The following ZMIZ1 variants were observed in gnomAD, a reference collection of about 807,000 sequenced individuals.
The protein encoded by ZMIZ1 is zinc finger MIZ-type containing 1, also known as zinc finger MIZ domain-containing protein 1.
Under a neutral mutation model 113.9 loss-of-function variants are expected in ZMIZ1, and 17 were observed. The ratio of observed to expected loss-of-function variants is 0.15; its 90% CI spans 0.10 to 0.22. ZMIZ1 has a LOEUF of 0.22. Among genes scored for constraint, ZMIZ1 ranks in the 10% least tolerant of loss-of-function variants. ZMIZ1 has a pLI of 1.00. For missense variants in ZMIZ1, 1,059 were observed against 1,477.8 expected (o/e 0.72, Z 4.65); for synonymous variants, 607 against 603.1 (o/e 1.01, Z -0.09).
At chr10:79,075,570 C>T (rs1842441517) in intron 1 of ZMIZ1, among the ~76,000 whole-genome samples, 1 of 150,176 alleles carries the variant, frequency 6.7e-6, no homozygotes, top group Non-Finnish European at 1.5e-5. Context: ...CACACACATG[C>T]ACACACATGC....
chr10:79,262,264 A>G (rs1221165108), intron 7 of ZMIZ1, among the ~76,000 whole-genome samples: 3 of 152,230 alleles, frequency 2.0e-5, no homozygotes, highest in Non-Finnish European at 4.4e-5. Context: ...CTGGCTAGAA[A>G]TGTATTCGTT....
At chr10:79,155,103 C>T (rs1393996462) in intron 3 of ZMIZ1, among the ~76,000 whole-genome samples, 1 of 152,204 alleles carries the variant, frequency 6.6e-6, no homozygotes, top group African/African-American at 2.4e-5. Context: ...GCTGAGGCCT[C>T]TCTGATGCAT....
intron 4 of ZMIZ1, among the ~76,000 whole-genome samples, chr10:79,179,785 A>G (rs1167281949): frequency 6.6e-6 from 1 of 152,262 alleles, no homozygotes; most frequent in Non-Finnish European, 1.5e-5. Context: ...CAGGGTTGCC[A>G]TGGCAACAGC....
intron 2 of ZMIZ1, among the ~76,000 whole-genome samples, chr10:79,135,849 C>T (rs540941528): frequency 1.3e-3 from 203 of 152,342 alleles, no homozygotes; most frequent in African/African-American, 4.8e-3. Context: ...AGACTCAGTA[C>T]AGCCGGCAGT....
Position 79,181,157 on chromosome 10 carries a change from G to A in ZMIZ1, c.-50+19024G>A, listed in dbSNP as rs147529562. Among the ~76,000 whole-genome samples, 46 of 152,292 alleles carry A rather than the reference G, an allele frequency of 3.0e-4. No individual in the cohort carries two copies. The South Asian group carries it at 8.5e-3, about 28-fold the overall frequency. ...GTCCTGAGTCTCCCTGCTAGAGCAG[G>A]CTTGGGCAGGAGCAGGGAGCACCCG... On this transcript the variant is annotated intron_variant, in intron 4 of 24. Coordinates refer to ENST00000334512, the MANE Select transcript of ZMIZ1 (RefSeq NM_020338.4).
chr10:79,203,727 C>T (rs145952560), intron 5 of ZMIZ1, among the ~76,000 whole-genome samples: 1,833 of 152,368 alleles, frequency 0.012, 29 homozygotes, highest in African/African-American at 0.042. Flanking sequence ...AAGCCCCTCA[C>T]AGCATGGCAC....
chr10:79,285,481 A>C (rs190928871), intron 8 of ZMIZ1: 1 of 456,054 alleles, frequency 2.2e-6, no homozygotes, highest in Middle Eastern at 3.3e-4. Flanking sequence ...ACAGAGAGTG[A>C]GCAGTGGTTT....
intron 1 of ZMIZ1, among the ~76,000 whole-genome samples, chr10:79,116,045 T>C (rs1006165470): frequency 3.3e-5 from 5 of 152,144 alleles, no homozygotes; most frequent in African/African-American, 1.2e-4. Flanking sequence ...GTGGTGCACA[T>C]TTACTGGGCA....
At chr10:79,107,605 C>T (rs930983017) in intron 1 of ZMIZ1, among the ~76,000 whole-genome samples, 13 of 152,150 alleles carry the variant, frequency 8.5e-5, no homozygotes, top group South Asian at 2.1e-4. Flanking sequence ...CACCACCGGG[C>T]GGTGGGAGGA....
chr10:79,145,136 T>C (rs1167005416), intron 3 of ZMIZ1, among the ~76,000 whole-genome samples: 1 of 152,008 alleles, frequency 6.6e-6, no homozygotes, highest in Non-Finnish European at 1.5e-5. Context: ...CTTCCTTCTC[T>C]GTATCTTCTT....
At chr10:79,126,517 C>T (rs1486024712) in intron 2 of ZMIZ1, among the ~76,000 whole-genome samples, 4 of 152,286 alleles carry the variant, frequency 2.6e-5, no homozygotes, top group African/African-American at 7.2e-5. Context: ...AAGCATTCCA[C>T]GCAAAGGGAA....
chr10:79,203,445 C>A lies in ZMIZ1; in HGVS notation c.60+1753C>A, dbSNP rs868030193. Among the ~76,000 whole-genome samples, 10 of 152,272 alleles carry A rather than the reference C, an allele frequency of 6.6e-5. 1 individual carries two copies. Among genetic ancestry groups the A allele is most frequent in the Middle Eastern group, 3.4e-3 (1 of 294 alleles). ...AAGACTCCCTCCTCCCCCACACTCC[C>A]TCCTCCCACTCAGGGTTCTGCAGGG... is the stretch of plus-strand genomic sequence containing the variant. On this transcript the variant is annotated intron_variant, in intron 5 of 24. Transcript: ENST00000334512.
rs372795085 is a variant in ZMIZ1, at chr10:79,272,593, G to A, written c.281-4588G>A. On this transcript the variant is annotated intron_variant, in intron 7 of 24. Coordinates refer to ENST00000334512, the MANE Select transcript of ZMIZ1 (RefSeq NM_020338.4). ...CGGTTTCAGCAGGAGTGCTAGCCTC[G>A]CCTGCTTCACCGCAGTACCTCCAGA... is the stretch of plus-strand genomic sequence containing the variant. 3.0e-4 allele frequency among the ~76,000 whole-genome samples: 45 copies of A among 152,314 alleles called. No individual in the cohort carries two copies. The South Asian group carries it at 8.7e-3, about 29-fold the overall frequency.
Position 79,313,940 on chromosome 10 carries a change from G to C in ZMIZ1, c.*1191G>C. ...GTCCAGCCCCTCCCTCTGTCCCTGT[G>C]CTCCAAGCTGCCCCCGGCTGCAGCC... On this transcript the variant is annotated 3_prime_UTR_variant, in exon 25 of 25. Coordinates refer to ENST00000334512, the MANE Select transcript of ZMIZ1 (RefSeq NM_020338.4). 1 of 419,490 alleles carries C rather than the reference G, an allele frequency of 2.4e-6. No individual in the cohort carries two copies. Among genetic ancestry groups the C allele is most frequent in the South Asian group, 1.8e-5 (1 of 56,972 alleles). 26.0% of individuals were successfully genotyped at this position (419,490 alleles called of 1,614,324 possible).
At chr10:79,208,162 G>A (rs942097600) in intron 5 of ZMIZ1, among the ~76,000 whole-genome samples, 174 bp from the exon 6 acceptor site, 3 of 149,286 alleles carry the variant, frequency 2.0e-5, no homozygotes, top group Non-Finnish European at 4.5e-5. Flanking sequence ...GGCATGCCGA[G>A]CACAGGGTGT....
At chr10:79,311,304 G>GGGGGGGGGGGGGGGGGGGC in intron 24 of ZMIZ1, 120 bp downstream of exon 24, 1 of 359,152 alleles carries the variant, frequency 2.8e-6, no homozygotes, top group Non-Finnish European at 5.5e-6. Context: ...TGGGCGGTGG[G>GGGGGGGGGGGGGGGGGGGC]AGGGCTTCAC....
intron 24 of ZMIZ1, among the ~76,000 whole-genome samples, chr10:79,311,536 G>T (rs1855166410): frequency 6.6e-6 from 1 of 152,112 alleles, no homozygotes; most frequent in Non-Finnish European, 1.5e-5. Flanking sequence ...TGCCTCTCTG[G>T]CCCGGGCAGG....
At chr10:79,290,626 C>A (rs761743998) in intron 9 of ZMIZ1, 59 of 495,924 alleles carry the variant, frequency 1.2e-4, no homozygotes, top group Non-Finnish European at 2.0e-4. Flanking sequence ...AGGGCTCTCC[C>A]CACGGGTACC....
intron 4 of ZMIZ1, among the ~76,000 whole-genome samples, chr10:79,188,090 A>G (rs1404335660): frequency 1.3e-5 from 2 of 152,208 alleles, no homozygotes; most frequent in African/African-American, 4.8e-5. Flanking sequence ...TAAAATACCA[A>G]ATATGCTGCC....
Sources: allele counts gnomAD v4.1 joint callset (sites outside exome capture counted in the v4.1 genomes callset), GRCh38; gene constraint gnomAD v4.1.1; transcripts MANE v1.5; gene names NCBI Gene and HGNC (gene_info 2026-07-23, HGNC 2026-07-21).